Variants in MTUS2 observed in about 807,000 individuals in gnomAD.
MTUS2 encodes microtubule-associated tumor suppressor candidate 2.
Under a neutral mutation model 114.1 loss-of-function variants are expected in MTUS2, and 40 were observed. The ratio of observed to expected loss-of-function variants is 0.35; its 90% CI spans 0.27 to 0.46. The LOEUF is 0.46. MTUS2 is among the 20% of genes least tolerant of loss of function. The pLI is 1.00. For synonymous variants in MTUS2, 688 were observed against 672.0 expected, an observed-to-expected ratio of 1.02 and a Z score of -0.37; for missense variants, 1,679 against 1,705.4, an observed-to-expected ratio of 0.98 and a Z score of 0.27.
intron 7 of MTUS2, among the ~76,000 whole-genome samples, chr13:29,333,960 T>A (rs1392452987): frequency 2.0e-5 from 3 of 152,248 alleles, no homozygotes; most frequent in African/African-American, 7.2e-5. Context: ...TTTGCCTTTT[T>A]TGATCTTTGT....
intron 7 of MTUS2, among the ~76,000 whole-genome samples, chr13:29,331,120 G>A (rs979221382): frequency 2.6e-5 from 4 of 152,112 alleles, no homozygotes; most frequent in African/African-American, 9.7e-5. Flanking sequence ...ATTGGGCAGT[G>A]GTTTGTAGTT....
At chr13:28,956,312 A>C (rs181218696) in intron 2 of MTUS2, among the ~76,000 whole-genome samples, 7 of 152,072 alleles carry the variant, frequency 4.6e-5, no homozygotes, top group Admixed American at 4.6e-4. Context: ...TCCTATCCCC[A>C]GCACCGGGTA....
At position 29,503,078 on chromosome 13, in the gene MTUS2, G is replaced by T; in HGVS notation, c.3982G>T (p.Glu1328Ter). The change falls in exon 16 of 16, where the codon GAG becomes TAG. Residue 1328 changes from glutamate to a stop codon, truncating the protein, a stop_gained. Transcript: ENST00000612955. LOFTEE classifies it high-confidence loss of function. ...GAAGAGATTGAGCCGAACCAATGAAGAGCTGCTTTGGAAGCTCCAAACTGG... is the reference window on the plus strand; with the variant it reads ...GAAGAGATTGAGCCGAACCAATGAATAGCTGCTTTGGAAGCTCCAAACTGG... The part of the protein sequence containing the change: ...EKKRLSRTNE[E>*]LLWKLQTGDP... 2.5e-6 allele frequency: 4 copies of T among 1,614,240 alleles called. No homozygotes were observed. The highest frequency in any genetic ancestry group is 3.4e-6 in the Non-Finnish European group (4 of 1,180,040).
chr13:29,253,177 G>C (rs1897183782), intron 5 of MTUS2, among the ~76,000 whole-genome samples: 1 of 150,654 alleles, frequency 6.6e-6, no homozygotes, highest in Non-Finnish European at 1.5e-5. Flanking sequence ...TGTAATTCTA[G>C]CACTTTGGGA....
intron 2 of MTUS2, among the ~76,000 whole-genome samples, chr13:28,904,086 C>G (rs559276177): frequency 1.3e-5 from 2 of 152,218 alleles, no homozygotes; most frequent in Admixed American, 1.3e-4. Context: ...TTATATCCTT[C>G]GCCCACTTGT....
chr13:28,936,966 C>T (rs2138113858), intron 2 of MTUS2, among the ~76,000 whole-genome samples: 1 of 152,208 alleles, frequency 6.6e-6, no homozygotes, highest in Middle Eastern at 3.4e-3. Flanking sequence ...ATGGGATGTA[C>T]TTTTTACTTC....
intron 5 of MTUS2, among the ~76,000 whole-genome samples, chr13:29,133,685 A>G (rs889520310): frequency 6.6e-6 from 1 of 152,150 alleles, no homozygotes; most frequent in African/African-American, 2.4e-5. Flanking sequence ...CTTTTGGATT[A>G]TTTATTCTAC....
At chr13:28,998,478 C>G (rs529605598) in intron 2 of MTUS2, among the ~76,000 whole-genome samples, 1 of 152,314 alleles carries the variant, frequency 6.6e-6, no homozygotes, top group Admixed American at 6.5e-5. Flanking sequence ...TAATGTCGTG[C>G]AGAGTGTTTT....
At chr13:28,851,207 T>C (rs1297394580) in intron 2 of MTUS2, among the ~76,000 whole-genome samples, 2 of 152,236 alleles carry the variant, frequency 1.3e-5, no homozygotes, top group African/African-American at 2.4e-5. Context: ...GATAAAAATA[T>C]CTGGAGTGGA....
At chr13:29,344,233 G>A (rs1293868682) in intron 7 of MTUS2, among the ~76,000 whole-genome samples, 1 of 49,358 alleles carries the variant, frequency 2.0e-5, no homozygotes, top group African/African-American at 4.2e-5. Flanking sequence ...CCTGTCTAGT[G>A]CTGTCAGTGG....
chr13:29,206,680 T>G (rs1195877437), intron 5 of MTUS2, among the ~76,000 whole-genome samples: 1 of 152,138 alleles, frequency 6.6e-6, no homozygotes, highest in African/African-American at 2.4e-5. Flanking sequence ...TTCTCCACTT[T>G]ATATTTTTGT....
At chr13:29,111,297 A>G (rs893824894) in intron 5 of MTUS2, among the ~76,000 whole-genome samples, 9 of 152,224 alleles carry the variant, frequency 5.9e-5, no homozygotes, top group African/African-American at 2.2e-4. Flanking sequence ...TAAAAATTTT[A>G]GAACAATAAC....
chr13:29,160,862 A>G (rs1295271175), intron 5 of MTUS2, among the ~76,000 whole-genome samples: 1 of 152,200 alleles, frequency 6.6e-6, no homozygotes, highest in Admixed American at 6.5e-5. Flanking sequence ...CTGTACTGAT[A>G]AACACAACAA....
At position 28,946,767 on chromosome 13, in the gene MTUS2, C is replaced by G. The variant is rs530040748; in HGVS notation, c.-242-77690C>G. Among the ~76,000 whole-genome samples, 137 of 151,924 alleles carry G rather than the reference C, an allele frequency of 9.0e-4. 1 individual carries two copies. The highest frequency in any genetic ancestry group is 3.0e-3 in the African/African-American group (126 of 41,456). ...GTCTCACTGTGCTGCCCAGGCTGGT[C>G]TTCAATTCCTGGCCTCAAGTGATCC... On this transcript the variant is annotated intron_variant, in intron 2 of 15. Transcript: ENST00000612955.
At chr13:29,066,271 T>C (rs1258715877) in intron 4 of MTUS2, among the ~76,000 whole-genome samples, 1 of 152,194 alleles carries the variant, frequency 6.6e-6, no homozygotes, top group Admixed American at 6.5e-5. Flanking sequence ...TGATCTATAA[T>C]TTTCTTATTT....
rs185885047 is a variant in MTUS2 at position 28,986,967 on chromosome 13, C to A, written c.-242-37490C>A. On this transcript the variant is annotated intron_variant, in intron 2 of 15. Coordinates refer to ENST00000612955, the MANE Select transcript of MTUS2 (RefSeq NM_001033602.4). ...ACAGAAAGTTGGCTGGACAGCCATG[C>A]TCTAGTCCAGAGCTTTGTGTACATT... Among the ~76,000 whole-genome samples, 388 of 152,324 alleles carry A rather than the reference C, an allele frequency of 2.5e-3. 2 individuals are homozygous for A. The highest frequency in any genetic ancestry group is 8.5e-3 in the African/African-American group (352 of 41,560).
chr13:28,948,316 T>A (rs1207782872), intron 2 of MTUS2, among the ~76,000 whole-genome samples: 1 of 152,198 alleles, frequency 6.6e-6, no homozygotes, highest in Non-Finnish European at 1.5e-5. Flanking sequence ...TACATAATTT[T>A]AGATAATCTC....
chr13:29,281,598 G>A (rs1048486446), intron 5 of MTUS2, 106 bp from the exon 6 acceptor site: 4 of 1,269,594 alleles, frequency 3.2e-6, no homozygotes, highest in African/African-American at 1.5e-5. Flanking sequence ...ATCAGGTCAA[G>A]TTCTAAAGCA....
At chr13:29,196,222 G>A (rs1020035313) in intron 5 of MTUS2, among the ~76,000 whole-genome samples, 4 of 151,460 alleles carry the variant, frequency 2.6e-5, no homozygotes, top group Admixed American at 6.6e-5. Context: ...TCAGCCTCCC[G>A]AGTAGCTGGG....
Sources: gnomAD v4.1 joint callset for allele counts (sites outside exome capture counted in the v4.1 genomes callset) on GRCh38, gnomAD v4.1.1 for gene constraint, MANE v1.5 for transcripts, NCBI Gene and HGNC (gene_info 2026-07-23, HGNC 2026-07-21) for gene names.